Variants in PECR observed in about 807,000 individuals in gnomAD.
PECR encodes the protein peroxisomal trans-2-enoyl-CoA reductase.
PECR carries 30 observed loss-of-function variants against 35.3 expected under a neutral mutation model. That is an observed-to-expected ratio of 0.85 (90% confidence interval 0.64 to 1.15). The LOEUF is 1.15. Ranked by LOEUF, PECR falls within the 50% of genes most tolerant of loss-of-function variation. The pLI is 0.00. For missense variants in PECR, 392 were observed against 370.8 expected (o/e 1.06, Z -0.47); for synonymous variants, 148 against 138.9 (o/e 1.07, Z -0.46).
intron 1 of PECR, among the ~76,000 whole-genome samples, chr2:216,078,401 G>A (rs1379690165): frequency 1.3e-5 from 2 of 152,034 alleles, no homozygotes; most frequent in Non-Finnish European, 2.9e-5. Context: ...GGGAGGTCAA[G>A]GGGGATGGAT....
intron 1 of PECR, 41 bp from the exon 2 acceptor site, chr2:216,066,559 T>G (rs199977110): frequency 1.3e-6 from 2 of 1,592,220 alleles, no homozygotes; most frequent in Non-Finnish European, 1.7e-6. Context: ...TATGCCTTCA[T>G]GGGATGCAAT....
rs1559204173 is a variant in PECR at position 216,031,699 on chromosome 2, A to AGAG, written c.*440+7491_*440+7492insCTC. Among the ~76,000 whole-genome samples the AGAG allele has an allele frequency of 6.3e-3, 800 of 127,502 alleles. 4 individuals are homozygous for AGAG. Among genetic ancestry groups the AGAG allele is most frequent in the African/African-American group, 0.015 (542 of 35,506 alleles). The allele number at this position is 127,502 out of a possible 152,430, so 83.6% of individuals were successfully genotyped here. A position where few individuals can be genotyped will look rare whatever the true frequency, so the allele number is the denominator to read the frequency against. ...AGAAAGAAAGAAAGAAAGAGAAAGA[A>AGAG]AGAAAGAAAGAAAGGGAAATGAAAA... On this transcript the variant is annotated intron_variant and NMD_transcript_variant, in intron 7 of 7. Coordinates refer to the PECR transcript ENST00000442122.
intron 6 of PECR, among the ~76,000 whole-genome samples, chr2:216,048,167 C>T (rs894622782): frequency 4.0e-5 from 6 of 151,752 alleles, no homozygotes; most frequent in Non-Finnish European, 7.4e-5. Context: ...CTCCGCCTCC[C>T]GGGTTCACAC....
intron 1 of PECR, among the ~76,000 whole-genome samples, chr2:216,070,846 G>A (rs749398237): frequency 1.9e-4 from 29 of 152,128 alleles, no homozygotes; most frequent in Non-Finnish European, 3.4e-4. Flanking sequence ...TTGCGCCTGG[G>A]TCGTGACTGC....
chr2:216,063,205 T>C (rs1695393409), intron 3 of PECR, among the ~76,000 whole-genome samples: 2 of 152,366 alleles, frequency 1.3e-5, no homozygotes, highest in South Asian at 4.1e-4. Flanking sequence ...TACATTTTTA[T>C]GTCAATATTT....
intron 7 of PECR, among the ~76,000 whole-genome samples, chr2:216,030,843 G>A (rs1295012662): frequency 1.3e-5 from 2 of 149,842 alleles, no homozygotes; most frequent in East Asian, 4.0e-4. Flanking sequence ...GATTACAGAT[G>A]TTTTGATTCC....
intron 6 of PECR, among the ~76,000 whole-genome samples, chr2:216,046,287 TAC>T (rs1559209186): frequency 3.4e-4 from 36 of 105,464 alleles, no homozygotes; most frequent in Middle Eastern, 5.1e-3. Flanking sequence ...TATATATATA[TAC>T]ATACATATAT....
rs937650100 is a variant in PECR at position 216,081,534 on chromosome 2, C to T, written c.124+84G>A. 10 of 1,561,132 alleles carry T rather than the reference C, an allele frequency of 6.4e-6. No homozygotes were observed. The African/African-American group carries it at 1.2e-4, about 19-fold the overall frequency. On this transcript the variant is annotated intron_variant, in intron 1 of 7. Coordinates refer to ENST00000265322, the MANE Select transcript of PECR (RefSeq NM_018441.6). ...CTCTGCAGCTCCACACTCCCTCAGCCCCGCCGAGAGCTCCTGGCTCCCGTC... is the reference window on the plus strand; with the variant it reads ...CTCTGCAGCTCCACACTCCCTCAGCTCCGCCGAGAGCTCCTGGCTCCCGTC...
chr2:216,057,360 A>C (rs570176849), intron 4 of PECR, among the ~76,000 whole-genome samples: 1 of 152,306 alleles, frequency 6.6e-6, no homozygotes, highest in African/African-American at 2.4e-5. Flanking sequence ...TTAGCCATAA[A>C]AAAATAAGAA....
chr2:216,081,599 C>G lies in PECR; in HGVS notation c.124+19G>C, dbSNP rs1328448905. 1 of 1,613,758 alleles carries G rather than the reference C, an allele frequency of 6.2e-7. No individual in the cohort carries two copies. The stretch of plus-strand genomic sequence containing the variant: ...GGTCACCACAGCCACCTCTCTGCAC[C>G]AGCGGCCCGCTCACGTACCCAGCTC... On this transcript the variant is annotated intron_variant, in intron 1 of 7. Coordinates refer to ENST00000265322, the MANE Select transcript of PECR (RefSeq NM_018441.6).
At chr2:216,066,600 C>T in intron 1 of PECR, 82 bp from the exon 2 acceptor site, 1 of 1,283,218 alleles carries the variant, frequency 7.8e-7, no homozygotes, top group Non-Finnish European at 1.1e-6. Context: ...AGTAAACCGC[C>T]AGGGAACAAA....
At chr2:216,065,148 AT>A (rs1470946675) in intron 3 of PECR, 163 bp downstream of exon 3, 37 of 673,412 alleles carry the variant, frequency 5.5e-5, no homozygotes, top group Non-Finnish European at 9.3e-5. Context: ...TTTTATAAAT[AT>A]TGCCAAATTA....
chr2:216,079,626 C>T (rs1267049277), intron 1 of PECR, among the ~76,000 whole-genome samples: 1 of 150,754 alleles, frequency 6.6e-6, no homozygotes, highest in Non-Finnish European at 1.5e-5. Flanking sequence ...CTCGGCCTCC[C>T]AAAGTGCTGG....
At chr2:216,059,861 T>C (rs967602561) in intron 3 of PECR, among the ~76,000 whole-genome samples, 1 of 152,220 alleles carries the variant, frequency 6.6e-6, no homozygotes, top group African/African-American at 2.4e-5. Context: ...CTTTCTTCTT[T>C]TGCAAAATTG....
At chr2:216,073,631 T>C (rs1022106593) in intron 1 of PECR, among the ~76,000 whole-genome samples, 3 of 151,816 alleles carry the variant, frequency 2.0e-5, no homozygotes, top group African/African-American at 7.2e-5. Context: ...ATTATATCTT[T>C]TGTATGTTTT....
At chr2:216,054,615 C>A (rs1467044643) in intron 4 of PECR, among the ~76,000 whole-genome samples, 1 of 151,048 alleles carries the variant, frequency 6.6e-6, no homozygotes, top group Non-Finnish European at 1.5e-5. Flanking sequence ...GGATTACAGG[C>A]GTGAGCCACT....
intron 1 of PECR, among the ~76,000 whole-genome samples, chr2:216,074,535 AG>A (rs1420146760): frequency 8.2e-5 from 11 of 133,868 alleles, no homozygotes; most frequent in African/African-American, 2.1e-4. Context: ...GAAGGAAGGA[AG>A]GAAGAAAGGA....
intron 4 of PECR, among the ~76,000 whole-genome samples, chr2:216,052,639 A>T (rs191479373): frequency 6.6e-6 from 1 of 152,182 alleles, no homozygotes; most frequent in South Asian, 2.1e-4. Context: ...CTTTCTCTTT[A>T]GCACTGGTTC....
downstream of PECR, among the ~76,000 whole-genome samples, chr2:216,036,766 G>A (rs540924824): frequency 6.6e-6 from 1 of 152,234 alleles, no homozygotes; most frequent in Admixed American, 6.5e-5. Flanking sequence ...TCATGGGCCT[G>A]GTACCCAATA....
Sources: gnomAD v4.1 joint callset for allele counts (sites outside exome capture counted in the v4.1 genomes callset) on GRCh38, gnomAD v4.1.1 for gene constraint, MANE v1.5 for transcripts, NCBI Gene and HGNC (gene_info 2026-07-23, HGNC 2026-07-21) for gene names.